SIM1: variants seen among roughly 807,000 people sequenced by gnomAD.
SIM1 encodes the protein single-minded homolog 1.
A neutral mutation model predicts 78.2 loss-of-function variants in SIM1; 18 were observed. The ratio of observed to expected loss-of-function variants is 0.23; its 90% CI spans 0.16 to 0.34. The LOEUF (loss-of-function observed/expected upper bound fraction) is 0.34. Ranked by LOEUF, SIM1 falls within the 10% of genes least tolerant of loss-of-function variation. SIM1 has a pLI of 1.00. For missense variants in SIM1, 939 were observed against 975.1 expected (o/e 0.96, Z 0.49); for synonymous variants, 417 against 385.2 (o/e 1.08, Z -0.97).
intron 9 of SIM1, among the ~76,000 whole-genome samples, chr6:100,431,382 C>T (rs184308041): frequency 5.8e-4 from 89 of 152,276 alleles, no homozygotes; most frequent in African/African-American, 2.1e-3. Flanking sequence ...AAAGCCCTTA[C>T]TACTGTAATG....
chr6:100,394,087 T>C, intron 10 of SIM1, 198 bp from the exon 11 acceptor site: 1 of 489,292 alleles, frequency 2.0e-6, no homozygotes, highest in Non-Finnish European at 3.5e-6. Flanking sequence ...ATTATGATGC[T>C]TCCAAAGAAA....
In SIM1 at chr6:100,463,797, T is replaced by C. The variant is rs991829026; in HGVS notation, c.-329A>G. 1.4e-5 allele frequency: 3 copies of C among 216,110 alleles called. No homozygotes were observed. The highest frequency in any genetic ancestry group is 5.4e-5 in the Admixed American group (1 of 18,408). The allele number at this position is 216,110 out of a possible 1,614,324, so 13.4% of individuals were successfully genotyped here. A position where few individuals can be genotyped will look rare whatever the true frequency, so the allele number is the denominator to read the frequency against. ...GACCCCTGAGGAGCCAGCCTTTTCTTCTACTGCCAGCTGCGAACCCTGGTC... is the reference window on the plus strand; with the variant it reads ...GACCCCTGAGGAGCCAGCCTTTTCTCCTACTGCCAGCTGCGAACCCTGGTC... On this transcript the variant is annotated 5_prime_UTR_variant, in exon 2 of 12. Coordinates refer to ENST00000369208, the MANE Select transcript of SIM1 (RefSeq NM_005068.3).
At chr6:100,415,439 C>T (rs1771374064) in intron 10 of SIM1, among the ~76,000 whole-genome samples, 1 of 152,096 alleles carries the variant, frequency 6.6e-6, no homozygotes, top group Non-Finnish European at 1.5e-5. Flanking sequence ...GTAAGATTGC[C>T]ACCATACAGC....
At chr6:100,454,503 GCCCCCTACCCAC>G (rs1383872476) in intron 2 of SIM1, among the ~76,000 whole-genome samples, 10 of 151,524 alleles carry the variant, frequency 6.6e-5, no homozygotes, top group Admixed American at 2.6e-4. Flanking sequence ...CACAGCTCAT[GCCCCCTACCCAC>G]CCCCCTACCA....
At chr6:100,435,994 TCA>T (rs3836990) in intron 9 of SIM1, among the ~76,000 whole-genome samples, 2 of 150,492 alleles carry the variant, frequency 1.3e-5, no homozygotes, top group Non-Finnish European at 3.0e-5. Flanking sequence ...ACCATACACA[TCA>T]CACACACACA....
intron 10 of SIM1, among the ~76,000 whole-genome samples, chr6:100,402,550 A>ATTTTC (rs150459364): frequency 0.078 from 5,619 of 71,586 alleles, 328 homozygotes; most frequent in East Asian, 0.19. Flanking sequence ...TATTGACATT[A>ATTTTC]TTTTCTTTTC....
Position 100,444,342 on chromosome 6 carries a change from T to G in SIM1, c.998+2926A>C, listed in dbSNP as rs150388483. Among the ~76,000 whole-genome samples the G allele has an allele frequency of 3.9e-5, 6 of 152,288 alleles. No individual in the cohort carries two copies. The East Asian group carries it at 1.2e-3, about 29-fold the overall frequency. ...CAAGGCCTGTCATACTTAACACTTA[T>G]TTCAAAGCCTGAGGATACTCATAAC... On this transcript the variant is annotated intron_variant, in intron 9 of 11. Transcript: ENST00000369208.
chr6:100,412,563 G>GAAAT (rs771901483), intron 10 of SIM1, among the ~76,000 whole-genome samples: 1 of 45,870 alleles, frequency 2.2e-5, no homozygotes, highest in African/African-American at 9.5e-5. Flanking sequence ...AGAAAAGAAA[G>GAAAT]AAAGAAAGAA....
chr6:100,456,536 G>C (rs1772667996), intron 2 of SIM1, among the ~76,000 whole-genome samples: 1 of 152,260 alleles, frequency 6.6e-6, no homozygotes, highest in African/African-American at 2.4e-5. Flanking sequence ...CTCTGTGAGG[G>C]AGGCGATAAC....
intron 10 of SIM1, among the ~76,000 whole-genome samples, chr6:100,408,187 C>A (rs547414586): frequency 2.0e-5 from 3 of 152,142 alleles, no homozygotes; most frequent in South Asian, 4.1e-4. Context: ...TTTCCCAGCA[C>A]AATTTATTGA....
intron 9 of SIM1, among the ~76,000 whole-genome samples, chr6:100,444,973 A>G (rs1309862695): frequency 6.6e-6 from 1 of 152,170 alleles, no homozygotes; most frequent in East Asian, 1.9e-4. Context: ...GGTTTTAAGT[A>G]CTTTGTTTGA....
intron 10 of SIM1, among the ~76,000 whole-genome samples, chr6:100,419,889 C>T (rs1221824115): frequency 6.6e-6 from 1 of 152,174 alleles, no homozygotes; most frequent in Admixed American, 6.5e-5. Flanking sequence ...TGATCCCCCA[C>T]CTCGACCTCC....
chr6:100,402,265 G>T (rs9373474), intron 10 of SIM1, among the ~76,000 whole-genome samples: 1,659 of 151,972 alleles, frequency 0.011, 52 homozygotes, highest in East Asian at 0.088. Flanking sequence ...CTTATAGGCA[G>T]GAAAAGATAA....
chr6:100,394,044 G>T (rs897487106), intron 10 of SIM1, 155 bp from the exon 11 acceptor site: 1 of 640,064 alleles, frequency 1.6e-6, no homozygotes, highest in Non-Finnish European at 2.5e-6. Flanking sequence ...TGGCATCATG[G>T]CTGTGCACAC....
chr6:100,447,469 C>G (rs1180327597), intron 8 of SIM1, 54 bp from the exon 9 acceptor site: 1 of 1,603,442 alleles, frequency 6.2e-7, no homozygotes, highest in East Asian at 2.2e-5. Context: ...TGGGACTGGC[C>G]CCAAATGCAA....
At chr6:100,448,297 G>A (rs545211463) in intron 7 of SIM1, 45 bp from the exon 8 acceptor site, 6 of 1,508,488 alleles carry the variant, frequency 4.0e-6, no homozygotes, top group South Asian at 1.2e-5. Context: ...CGCGGGTGCA[G>A]GGATGCCCTC....
chr6:100,399,890 C>A (rs1770863712), intron 10 of SIM1, among the ~76,000 whole-genome samples: 1 of 151,478 alleles, frequency 6.6e-6, no homozygotes, highest in South Asian at 2.1e-4. Context: ...TTTCAAAAGG[C>A]TAAAAATAAA....
intron 10 of SIM1, among the ~76,000 whole-genome samples, chr6:100,411,711 A>C (rs2114488949): frequency 6.6e-6 from 1 of 152,244 alleles, no homozygotes; most frequent in South Asian, 2.1e-4. Context: ...ATTACTTTCA[A>C]AGAGATTATA....
At chr6:100,458,456 TG>T (rs1772745475) in intron 2 of SIM1, among the ~76,000 whole-genome samples, 1 of 152,132 alleles carries the variant, frequency 6.6e-6, no homozygotes, top group African/African-American at 2.4e-5. Flanking sequence ...CCAAACAGAC[TG>T]GATCTGGACC....
Sources: allele counts gnomAD v4.1 joint callset (sites outside exome capture counted in the v4.1 genomes callset), GRCh38; gene constraint gnomAD v4.1.1; transcripts MANE v1.5; gene names NCBI Gene and HGNC (gene_info 2026-07-23, HGNC 2026-07-21).